Variants in STK32A observed in about 807,000 individuals in gnomAD.
STK32A encodes serine/threonine kinase 32A, also known as serine/threonine-protein kinase 32A.
A neutral mutation model predicts 53.2 loss-of-function variants in STK32A; 41 were observed. The observed-to-expected ratio is 0.77, with a 90% CI of 0.60 to 1.00. The LOEUF (loss-of-function observed/expected upper bound fraction) is 1.00. STK32A is among the 50% of genes least tolerant of loss of function. STK32A has a pLI of 0.00. For missense variants in STK32A, 458 were observed against 485.8 expected, an observed-to-expected ratio of 0.94 and a Z score of 0.54; for synonymous variants, 166 against 162.8, an observed-to-expected ratio of 1.02 and a Z score of -0.15.
Position 147,384,011 on chromosome 5 carries a change from T to G in STK32A, c.*28T>G. On this transcript the variant is annotated 3_prime_UTR_variant, in exon 13 of 13. Coordinates refer to ENST00000397936, the MANE Select transcript of STK32A (RefSeq NM_001112724.2). ...GCCTCATGTCTTCTTCTTGGGACAATCTCATGCCAGAAACTTCTAATTACA... is the reference window on the plus strand; with the variant it reads ...GCCTCATGTCTTCTTCTTGGGACAAGCTCATGCCAGAAACTTCTAATTACA... The G allele has an allele frequency of 6.3e-7, 1 of 1,588,598 alleles. No individual in the cohort carries two copies.
At chr5:147,260,623 G>A (rs76814303) in intron 2 of STK32A, among the ~76,000 whole-genome samples, 11,986 of 152,044 alleles carry the variant, frequency 0.079, 523 homozygotes, top group Middle Eastern at 0.099. Context: ...AAACCAGGGG[G>A]TGGCTTGCCT....
the STK32A span, among the ~76,000 whole-genome samples, chr5:147,400,036 A>T: frequency 6.6e-6 from 1 of 151,654 alleles, no homozygotes; most frequent in Non-Finnish European, 1.5e-5. Flanking sequence ...GCTTTAGTAT[A>T]CATAACTTTG....
At chr5:147,268,097 G>A (rs1455605155) in intron 2 of STK32A, among the ~76,000 whole-genome samples, 1 of 151,878 alleles carries the variant, frequency 6.6e-6, no homozygotes. Flanking sequence ...GATTTTGATG[G>A]GTGGACACAC....
chr5:147,266,618 G>T (rs1235918789), intron 2 of STK32A, among the ~76,000 whole-genome samples: 2 of 152,096 alleles, frequency 1.3e-5, no homozygotes, highest in Non-Finnish European at 2.9e-5. Context: ...TAGGTGATGT[G>T]GATATAGCGA....
chr5:147,242,127 G>A (rs191977300), intron 2 of STK32A, among the ~76,000 whole-genome samples: 2 of 152,202 alleles, frequency 1.3e-5, no homozygotes, highest in East Asian at 3.9e-4. Context: ...CACCCTCTAG[G>A]TCACCACCTT....
chr5:147,260,403 C>G (rs1457498515), intron 2 of STK32A, among the ~76,000 whole-genome samples: 1 of 151,944 alleles, frequency 6.6e-6, no homozygotes, highest in East Asian at 1.9e-4. Flanking sequence ...TCTCCCCTCT[C>G]CTTCCTCTTT....
chr5:147,369,927 A>G (rs1409659261), intron 8 of STK32A, among the ~76,000 whole-genome samples: 1 of 152,182 alleles, frequency 6.6e-6, no homozygotes, highest in Admixed American at 6.6e-5. Flanking sequence ...TCCCCTACAA[A>G]ATAATATAGA....
At position 147,279,251 on chromosome 5, in the gene STK32A, G is replaced by A. The variant is rs1290321862; in HGVS notation, c.113G>A (p.Cys38Tyr). Residue 38 changes from cysteine (C) to tyrosine (Y), a missense_variant, in exon 4 of 13, where the codon TGC (cysteine) becomes TAC (tyrosine). Physicochemically the swap from Cys to Tyr is radical, Grantham distance 194 (BLOSUM62 -2). Coordinates refer to ENST00000397936, the MANE Select transcript of STK32A (RefSeq NM_001112724.2). ...AIGKGSFGKV[C>Y]IVQKNDTKKM... ...CACTCGGGTTTTCACCATTAGGTCT[G>A]CATTGTACAGAAGAATGATACCAAG... is the stretch of plus-strand genomic sequence containing the variant. The A allele has an allele frequency of 6.2e-7, 1 of 1,613,066 alleles. No homozygotes were observed.
intron 11 of STK32A, 103 bp from the exon 12 acceptor site, chr5:147,383,338 G>T (rs1757525272): frequency 2.2e-6 from 2 of 906,728 alleles, no homozygotes; most frequent in Admixed American, 2.2e-5. Context: ...TTCTCAATTT[G>T]GGGCTATTCA....
chr5:147,235,162 G>A lies in STK32A; in HGVS notation c.-134G>A, dbSNP rs1177222937. On this transcript the variant is annotated 5_prime_UTR_variant, in exon 1 of 13. Coordinates refer to ENST00000397936, the MANE Select transcript of STK32A (RefSeq NM_001112724.2). ...GTTCCCTGGATGAAAGCATCGCTCCGAGCCTCATGGGAGGAATGAAGGAAG... is the reference window on the plus strand; with the variant it reads ...GTTCCCTGGATGAAAGCATCGCTCCAAGCCTCATGGGAGGAATGAAGGAAG... The A allele has an allele frequency of 6.6e-6, 1 of 152,384 alleles. No individual in the cohort carries two copies. The highest frequency in any genetic ancestry group is 2.4e-5 in the African/African-American group (1 of 41,448). 9.4% of individuals were successfully genotyped at this position (152,384 alleles called of 1,614,324 possible). A position where few individuals can be genotyped will look rare whatever the true frequency, so the allele number is the denominator to read the frequency against.
At chr5:147,366,552 TGACCTCCC>T (rs1756756245) in intron 8 of STK32A, among the ~76,000 whole-genome samples, 1 of 152,226 alleles carries the variant, frequency 6.6e-6, no homozygotes, top group Non-Finnish European at 1.5e-5. Flanking sequence ...AAACATTCTC[TGACCTCCC>T]TATCTAAAGT....
chr5:147,374,122 A>G (rs1049529582), intron 10 of STK32A, among the ~76,000 whole-genome samples: 3 of 151,900 alleles, frequency 2.0e-5, no homozygotes, highest in African/African-American at 7.3e-5. Context: ...GTGTCTCTAC[A>G]GAAAAAGAAA....
At chr5:147,308,918 G>GT (rs1309497915) in intron 4 of STK32A, among the ~76,000 whole-genome samples, 1 of 149,892 alleles carries the variant, frequency 6.7e-6, no homozygotes, top group Non-Finnish European at 1.5e-5. Context: ...TAAAATATTT[G>GT]TTTTTTATAT....
At chr5:147,244,725 T>C (rs985760953) in intron 2 of STK32A, among the ~76,000 whole-genome samples, 2 of 152,230 alleles carry the variant, frequency 1.3e-5, no homozygotes, top group Admixed American at 6.5e-5. Context: ...AATGAATTAA[T>C]TGAGGGGGAA....
intron 4 of STK32A, among the ~76,000 whole-genome samples, chr5:147,313,230 G>A (rs548960390): frequency 4.1e-4 from 62 of 152,130 alleles, no homozygotes; most frequent in African/African-American, 1.0e-3. Flanking sequence ...GAGAGACTCC[G>A]TCTTAAAAAA....
chr5:147,325,979 G>A (rs1028029764), intron 5 of STK32A, among the ~76,000 whole-genome samples: 2 of 152,112 alleles, frequency 1.3e-5, no homozygotes, highest in African/African-American at 4.8e-5. Context: ...TCCTTTTCCT[G>A]TTTGAAATTG....
chr5:147,343,347 A>T, intron 6 of STK32A: 1 of 505,386 alleles, frequency 2.0e-6, no homozygotes, highest in Non-Finnish European at 3.7e-6. Context: ...TGGCCTTAAT[A>T]TAACACGCAA....
rs550885630 is a variant in STK32A at position 147,312,510 on chromosome 5, T to C, written c.261-11388T>C. On this transcript the variant is annotated intron_variant, in intron 4 of 12. Coordinates refer to ENST00000397936, the MANE Select transcript of STK32A (RefSeq NM_001112724.2). ...GTTGTCCACATTTATGAATTTTAGA[T>C]ATATGGCTGTTTATTCTGGATAAAC... 7.9e-5 allele frequency among the ~76,000 whole-genome samples: 12 copies of C among 152,360 alleles called. 1 individual carries two copies. The highest frequency in any genetic ancestry group is 3.9e-4 in the East Asian group (2 of 5,184).
chr5:147,372,794 T>C (rs184839684), intron 9 of STK32A, among the ~76,000 whole-genome samples: 2 of 152,320 alleles, frequency 1.3e-5, no homozygotes, highest in East Asian at 3.9e-4. Flanking sequence ...ATAGGTTTTC[T>C]ACTAGGTACT....
Sources: gnomAD v4.1 joint callset for allele counts (sites outside exome capture counted in the v4.1 genomes callset) on GRCh38, gnomAD v4.1.1 for gene constraint, MANE v1.5 for transcripts, NCBI Gene and HGNC (gene_info 2026-07-23, HGNC 2026-07-21) for gene names.